The following ZBTB7C variants were observed in gnomAD, a reference collection of about 807,000 sequenced individuals.
ZBTB7C encodes the protein zinc finger and BTB domain-containing protein 7C.
ZBTB7C carries 8 observed loss-of-function variants against 25.7 expected under a neutral mutation model. That is an observed-to-expected ratio of 0.31 (90% CI 0.18 to 0.56). The LOEUF (loss-of-function observed/expected upper bound fraction) is 0.56, where lower values mean the gene tolerates loss of function less well. ZBTB7C is among the 20% of genes least tolerant of loss of function. ZBTB7C has a pLI of 0.91. For missense variants in ZBTB7C, 824 were observed against 855.2 expected (o/e 0.96, Z 0.46); for synonymous variants, 394 against 369.0 (o/e 1.07, Z -0.78).
rs905349741 is a variant in ZBTB7C, at chr18:48,088,105, A to G, written c.-16-46982T>C. 9.8e-5 allele frequency among the ~76,000 whole-genome samples: 15 copies of G among 152,328 alleles called. No homozygotes were observed. The South Asian group carries it at 2.7e-3, about 27-fold the overall frequency. On this transcript the variant is annotated intron_variant, in intron 3 of 4. Coordinates refer to ENST00000590800, the MANE Select transcript of ZBTB7C (RefSeq NM_001318841.2). ...ATCGACAAAGCCCTGACCATGCACA[A>G]GCCACAGTGCTAAAGGGGGTCAGGA...
At chr18:48,209,795 A>G (rs1411403121) in intron 2 of ZBTB7C, among the ~76,000 whole-genome samples, 1 of 152,158 alleles carries the variant, frequency 6.6e-6, no homozygotes, top group Non-Finnish European at 1.5e-5. Context: ...TACCAAAAGG[A>G]CAAATGACAA....
At position 48,080,146 on chromosome 18, in the gene ZBTB7C, C is replaced by T. The variant is rs553909118; in HGVS notation, c.-16-39023G>A. ...GATGACAGCCCCAGATGGGATCAGC[C>T]CTGCATGGAGTACAAGGGCTTCTGA... On this transcript the variant is annotated intron_variant, in intron 3 of 4. Transcript: ENST00000590800. Among the ~76,000 whole-genome samples the T allele has an allele frequency of 1.2e-4, 19 of 152,328 alleles. No individual in the cohort carries two copies. The South Asian group carries it at 3.1e-3, about 25-fold the overall frequency.
chr18:48,117,213 G>A (rs779781180), intron 3 of ZBTB7C, among the ~76,000 whole-genome samples: 6 of 152,148 alleles, frequency 3.9e-5, no homozygotes, highest in Non-Finnish European at 5.9e-5. Flanking sequence ...CTTTATTAAC[G>A]ATGTGTTTTT....
At chr18:48,367,371 TAA>T (rs1555752155) in intron 1 of ZBTB7C, among the ~76,000 whole-genome samples, 55 of 113,380 alleles carry the variant, frequency 4.9e-4, no homozygotes, top group East Asian at 6.9e-4. Flanking sequence ...TATATATATA[TAA>T]AATACAAACA....
At chr18:48,402,771 A>T (rs2048190381) in intron 1 of ZBTB7C, among the ~76,000 whole-genome samples, 1 of 152,220 alleles carries the variant, frequency 6.6e-6, no homozygotes, top group Non-Finnish European at 1.5e-5. Flanking sequence ...GTTCCAGAAA[A>T]AAAAGACTGG....
At chr18:48,265,864 C>A (rs2044298612) in intron 2 of ZBTB7C, among the ~76,000 whole-genome samples, 1 of 152,172 alleles carries the variant, frequency 6.6e-6, no homozygotes, top group Non-Finnish European at 1.5e-5. Context: ...CTGCACTGGG[C>A]CCTTTTGCTA....
At chr18:48,260,066 A>T (rs182977146) in intron 2 of ZBTB7C, among the ~76,000 whole-genome samples, 79 of 152,314 alleles carry the variant, frequency 5.2e-4, no homozygotes, top group Non-Finnish European at 9.4e-4. Context: ...GAATGTTCAT[A>T]GAAACTTTAT....
chr18:48,172,207 G>A (rs761461050), intron 3 of ZBTB7C, among the ~76,000 whole-genome samples: 2 of 152,214 alleles, frequency 1.3e-5, no homozygotes, highest in Non-Finnish European at 2.9e-5. Flanking sequence ...GACAGGACAT[G>A]ATGAGGCTAA....
intron 2 of ZBTB7C, among the ~76,000 whole-genome samples, chr18:48,211,061 A>G (rs552063391): frequency 6.6e-6 from 1 of 152,332 alleles, no homozygotes; most frequent in South Asian, 2.1e-4. Flanking sequence ...CTGATCTTTG[A>G]CAAAGGAGCA....
intron 2 of ZBTB7C, among the ~76,000 whole-genome samples, chr18:48,250,236 C>A (rs1160826296): frequency 6.6e-6 from 1 of 152,156 alleles, no homozygotes; most frequent in Non-Finnish European, 1.5e-5. Context: ...CCAGTCTTCC[C>A]AGAATATTTT....
chr18:48,077,898 C>G (rs2037834563), intron 3 of ZBTB7C, among the ~76,000 whole-genome samples: 1 of 146,818 alleles, frequency 6.8e-6, no homozygotes, highest in Non-Finnish European at 1.5e-5. Flanking sequence ...CCCAGCTCAC[C>G]TGGCTGGGCT....
intron 3 of ZBTB7C, among the ~76,000 whole-genome samples, chr18:48,087,999 G>A (rs548229329): frequency 6.6e-6 from 1 of 152,140 alleles, no homozygotes; most frequent in Admixed American, 6.5e-5. Flanking sequence ...GAATACATAA[G>A]TACACAAGTG....
intron 3 of ZBTB7C, chr18:48,162,544 T>C: frequency 7.5e-6 from 3 of 400,330 alleles, no homozygotes; most frequent in Non-Finnish European, 1.0e-5. Context: ...ATTGGCTACA[T>C]GGTCATTAAG....
At chr18:48,041,184 A>G (rs535029400) in intron 3 of ZBTB7C, 61 bp from the exon 4 acceptor site, 3 of 1,500,856 alleles carry the variant, frequency 2.0e-6, no homozygotes, top group Non-Finnish European at 1.8e-6. Flanking sequence ...AGGGGTCTCA[A>G]CTCTAGGACT....
chr18:48,239,822 A>C (rs1001832163), intron 2 of ZBTB7C, among the ~76,000 whole-genome samples: 1 of 152,196 alleles, frequency 6.6e-6, no homozygotes, highest in Non-Finnish European at 1.5e-5. Flanking sequence ...AACATCCCCA[A>C]AATATCACAC....
At position 48,380,987 on chromosome 18, in the gene ZBTB7C, C is replaced by A. The variant is rs533430451; in HGVS notation, c.-304+28239G>T. Among the ~76,000 whole-genome samples, 5 of 152,256 alleles carry A rather than the reference C, an allele frequency of 3.3e-5. No homozygotes were observed. In the South Asian group the frequency reaches 1.0e-3, roughly 32 times the overall value. On this transcript the variant is annotated intron_variant, in intron 1 of 4. Transcript: ENST00000590800. ...AGGACATGTACAGAGAATCAGGTAT[C>A]AGAATAGTTCCAGATTTCTCAGTGA... is the stretch of plus-strand genomic sequence containing the variant.
intron 3 of ZBTB7C, among the ~76,000 whole-genome samples, chr18:48,168,489 T>C (rs2145006364): frequency 6.6e-6 from 1 of 152,346 alleles, no homozygotes; most frequent in South Asian, 2.1e-4. Context: ...GGTTTAAATC[T>C]ACGATATACA....
chr18:48,333,706 G>T (rs1350246289), intron 2 of ZBTB7C, among the ~76,000 whole-genome samples: 1 of 152,168 alleles, frequency 6.6e-6, no homozygotes, highest in Non-Finnish European at 1.5e-5. Context: ...TGAGAGCTTG[G>T]GGCCCAGGAG....
intron 3 of ZBTB7C, among the ~76,000 whole-genome samples, chr18:48,122,597 T>C (rs1167971855): frequency 2.0e-5 from 3 of 152,174 alleles, no homozygotes; most frequent in Non-Finnish European, 2.9e-5. Flanking sequence ...GGGATCACAG[T>C]AATCCCTGTG....
Sources: gnomAD v4.1 joint callset for allele counts (sites outside exome capture counted in the v4.1 genomes callset) on GRCh38, gnomAD v4.1.1 for gene constraint, MANE v1.5 for transcripts, NCBI Gene and HGNC (gene_info 2026-07-23, HGNC 2026-07-21) for gene names.